Variants in GUCY1A2 observed in about 807,000 individuals in gnomAD.
GUCY1A2 encodes guanylate cyclase soluble subunit alpha-2.
Under a neutral mutation model 63.5 loss-of-function variants are expected in GUCY1A2, and 27 were observed. That is an observed-to-expected ratio of 0.43 (90% CI 0.31 to 0.59). The LOEUF (loss-of-function observed/expected upper bound fraction) is 0.59. Ranked by LOEUF, GUCY1A2 falls within the 20% of genes least tolerant of loss-of-function variation. GUCY1A2 has a pLI of 0.11. For missense variants in GUCY1A2, 768 were observed against 913.3 expected (o/e 0.84, Z 2.05); for synonymous variants, 364 against 343.5 (o/e 1.06, Z -0.66).
chr11:106,979,372 G>A (rs764037785), intron 2 of GUCY1A2, among the ~76,000 whole-genome samples: 7 of 150,400 alleles, frequency 4.7e-5, no homozygotes, highest in Non-Finnish European at 8.9e-5. Flanking sequence ...GAAGAATGGT[G>A]TGAACCCAGG....
rs543288541 is a variant in GUCY1A2 at position 106,943,576 on chromosome 11, T to C, written c.488-3398A>G. ...TATCCCACCCCACCTCAGATGGCAT[T>C]TCTTGAGGACAAGGACCTTGCCCTA... On this transcript the variant is annotated intron_variant, in intron 3 of 7. Coordinates refer to ENST00000526355, the MANE Select transcript of GUCY1A2 (RefSeq NM_000855.3). Among the ~76,000 whole-genome samples, 6 of 152,274 alleles carry C rather than the reference T, an allele frequency of 3.9e-5. No individual in the cohort carries two copies. In the East Asian group the frequency reaches 1.2e-3, roughly 29 times the overall value.
chr11:106,829,261 G>T (rs1347738426), intron 4 of GUCY1A2, among the ~76,000 whole-genome samples: 1 of 152,194 alleles, frequency 6.6e-6, no homozygotes, highest in African/African-American at 2.4e-5. Flanking sequence ...AGATAAGGGA[G>T]GGTTGGGTGA....
At chr11:106,971,547 G>A (rs1022334808) in intron 3 of GUCY1A2, among the ~76,000 whole-genome samples, 1 of 152,060 alleles carries the variant, frequency 6.6e-6, no homozygotes, top group Non-Finnish European at 1.5e-5. Flanking sequence ...AGGGAGTCAG[G>A]TTTCTCCTTG....
At chr11:106,748,938 T>C (rs551936993) in intron 6 of GUCY1A2, among the ~76,000 whole-genome samples, 2 of 152,190 alleles carry the variant, frequency 1.3e-5, no homozygotes, top group African/African-American at 4.8e-5. Flanking sequence ...TTTGTCTCTG[T>C]ATGCCCAGTA....
intron 4 of GUCY1A2, among the ~76,000 whole-genome samples, chr11:106,832,660 A>G (rs1244942915): frequency 6.6e-6 from 1 of 152,052 alleles, no homozygotes; most frequent in Non-Finnish European, 1.5e-5. Flanking sequence ...CCCCTATATA[A>G]GGTCTAAGAA....
chr11:106,924,591 AG>A (rs1860495924), intron 4 of GUCY1A2, among the ~76,000 whole-genome samples: 1 of 152,268 alleles, frequency 6.6e-6, no homozygotes, highest in Non-Finnish European at 1.5e-5. Flanking sequence ...TTTGTATTTC[AG>A]TTTCCTCATC....
intron 5 of GUCY1A2, among the ~76,000 whole-genome samples, chr11:106,809,311 GT>G (rs1858733652): frequency 6.6e-6 from 1 of 152,128 alleles, no homozygotes; most frequent in African/African-American, 2.4e-5. Flanking sequence ...AAGTTGTAGA[GT>G]TATTGATTAG....
chr11:107,009,131 C>A (rs1328036974), intron 1 of GUCY1A2, among the ~76,000 whole-genome samples: 6 of 152,100 alleles, frequency 3.9e-5, no homozygotes, highest in Admixed American at 1.3e-4. Flanking sequence ...AAATGAGAGA[C>A]CCCCACCCAA....
At chr11:106,997,661 C>G (rs1053507108) in intron 1 of GUCY1A2, among the ~76,000 whole-genome samples, 1 of 129,900 alleles carries the variant, frequency 7.7e-6, no homozygotes, top group South Asian at 2.7e-4. Flanking sequence ...AAGGTTAGAC[C>G]TCTTCGTGGC....
At chr11:106,993,510 T>C (rs755245645) in intron 1 of GUCY1A2, among the ~76,000 whole-genome samples, 28 of 151,458 alleles carry the variant, frequency 1.8e-4, no homozygotes, top group Non-Finnish European at 3.1e-4. Context: ...TGACTAAACT[T>C]ACTACATATA....
At chr11:106,849,635 T>C (rs1859323929) in intron 4 of GUCY1A2, among the ~76,000 whole-genome samples, 1 of 151,682 alleles carries the variant, frequency 6.6e-6, no homozygotes, top group African/African-American at 2.4e-5. Context: ...ATCATATATC[T>C]ACAGCTCTGT....
intron 6 of GUCY1A2, among the ~76,000 whole-genome samples, chr11:106,713,075 G>A (rs1863149516): frequency 6.6e-6 from 1 of 152,072 alleles, no homozygotes; most frequent in South Asian, 2.1e-4. Context: ...AGTTTGTTGG[G>A]TATCTCCTGG....
rs143332623 is a variant in GUCY1A2, at chr11:106,790,224, C to T, written c.1693-13642G>A. On this transcript the variant is annotated intron_variant, in intron 5 of 7. Transcript: ENST00000526355. ...TGAAACCATGATACACCTTCCTACT[C>T]TTCCCTCCCCTTTCCACAGGCAGAG... Among the ~76,000 whole-genome samples, 805 of 152,258 alleles carry T rather than the reference C, an allele frequency of 5.3e-3. 5 individuals are homozygous for T. Among genetic ancestry groups the T allele is most frequent in the Non-Finnish European group, 8.6e-3 (586 of 68,000 alleles).
rs1861404206 is a variant in GUCY1A2 at position 106,986,572 on chromosome 11, CA to C, written c.304-442del. 1.3e-5 allele frequency among the ~76,000 whole-genome samples: 2 copies of C among 152,088 alleles called. 1 individual carries two copies. Among genetic ancestry groups the C allele is most frequent in the Admixed American group, 1.3e-4 (2 of 15,268 alleles). On this transcript the variant is annotated intron_variant, in intron 1 of 7. Coordinates refer to ENST00000526355, the MANE Select transcript of GUCY1A2 (RefSeq NM_000855.3). ...CTTCATATTTTCTTCTACATTTTAA[CA>C]AGGTTTTCAAGGATGGTCTAGCAAG... is the stretch of plus-strand genomic sequence containing the variant.
At chr11:107,007,672 A>G (rs1861689006) in intron 1 of GUCY1A2, among the ~76,000 whole-genome samples, 1 of 152,136 alleles carries the variant, frequency 6.6e-6, no homozygotes, top group Admixed American at 6.5e-5. Flanking sequence ...CTCTTCCCCA[A>G]TCTTTAAACA....
chr11:106,882,665 T>C (rs1423719100), intron 4 of GUCY1A2, among the ~76,000 whole-genome samples: 1 of 152,006 alleles, frequency 6.6e-6, no homozygotes, highest in Non-Finnish European at 1.5e-5. Context: ...CTGTTGACCC[T>C]CATTTAACAG....
chr11:107,000,672 T>C (rs868553074), intron 1 of GUCY1A2, among the ~76,000 whole-genome samples: 18 of 152,284 alleles, frequency 1.2e-4, no homozygotes, highest in African/African-American at 4.3e-4. Context: ...TAGATATAAA[T>C]AGATAAATAC....
At chr11:106,954,956 TTCA>T (rs1860962430) in intron 3 of GUCY1A2, among the ~76,000 whole-genome samples, 1 of 151,628 alleles carries the variant, frequency 6.6e-6, no homozygotes, top group African/African-American at 2.4e-5. Flanking sequence ...TGACTCCTTA[TTCA>T]ATTTGCCAGT....
At position 106,877,012 on chromosome 11, in the gene GUCY1A2, G is replaced by A. The variant is rs564213605; in HGVS notation, c.1206+62448C>T. ...AGTAAAAATCACAGGGTCCTTATAA[G>A]AACGAAGCAAAGGTTATAGTGATGC... On this transcript the variant is annotated intron_variant, in intron 4 of 7. Transcript: ENST00000526355. 2.0e-5 allele frequency among the ~76,000 whole-genome samples: 3 copies of A among 152,106 alleles called. No homozygotes were observed. The South Asian group carries it at 6.2e-4, about 32-fold the overall frequency.
Sources: allele counts gnomAD v4.1 joint callset (sites outside exome capture counted in the v4.1 genomes callset), GRCh38; gene constraint gnomAD v4.1.1; transcripts MANE v1.5; gene names NCBI Gene and HGNC (gene_info 2026-07-23, HGNC 2026-07-21).